ZSWIM6: variants seen among roughly 807,000 people sequenced by gnomAD.
ZSWIM6 encodes the protein zinc finger SWIM domain-containing protein 6.
A neutral mutation model predicts 113.2 loss-of-function variants in ZSWIM6; 9 were observed. That is an observed-to-expected ratio of 0.08 (90% confidence interval 0.05 to 0.14). ZSWIM6 has a LOEUF of 0.14. Among genes scored for constraint, ZSWIM6 ranks in the 10% least tolerant of loss-of-function variants. The pLI is 1.00. For missense variants in ZSWIM6, 1,162 were observed against 1,552.2 expected, an observed-to-expected ratio of 0.75 and a Z score of 4.22; for synonymous variants, 611 against 606.5, an observed-to-expected ratio of 1.01 and a Z score of -0.11.
intron 1 of ZSWIM6, 62 bp downstream of exon 1, chr5:61,333,010 T>TGCC: frequency 2.4e-6 from 1 of 417,002 alleles, no homozygotes; most frequent in Non-Finnish European, 3.2e-6. Flanking sequence ...GGGGGGGGGG[T>TGCC]GCCCGCCTTT....
rs1470894666 is a variant in ZSWIM6, at chr5:61,543,573, G to A, written c.2904G>A (p.Leu968=). The A allele has an allele frequency of 6.4e-7, 1 of 1,551,640 alleles. No homozygotes were observed. Among genetic ancestry groups the A allele is most frequent in the East Asian group, 2.4e-5 (1 of 40,896 alleles). ...ACAGCACCATCGTCCGCCTCCACCTGGACTGCCACCAGCAGGAAAAGCTGG... is the reference window on the plus strand; with the variant it reads ...ACAGCACCATCGTCCGCCTCCACCTAGACTGCCACCAGCAGGAAAAGCTGG... ...MSNSTIVRLH[L]DCHQQEKLAS... Residue 968 remains leucine, a synonymous_variant, in exon 14 of 14, where the codon CTG becomes CTA. Transcript: ENST00000252744. This position sits in a 1 kb window ranked among gnomAD's most constrained non-coding sequence, Gnocchi z 4.3.
At chr5:61,405,582 T>C (rs1249245296) in intron 1 of ZSWIM6, among the ~76,000 whole-genome samples, 1 of 152,210 alleles carries the variant, frequency 6.6e-6, no homozygotes, top group African/African-American at 2.4e-5. Context: ...TGGTATTTTC[T>C]GTTCTTGGGA....
chr5:61,453,873 A>C (rs1747142428), intron 1 of ZSWIM6, among the ~76,000 whole-genome samples: 1 of 151,878 alleles, frequency 6.6e-6, no homozygotes, highest in African/African-American at 2.4e-5. Flanking sequence ...GGGGGGGGGA[A>C]GATACTTTGA....
chr5:61,512,055 A>C (rs1365621825), intron 4 of ZSWIM6, among the ~76,000 whole-genome samples: 2 of 152,124 alleles, frequency 1.3e-5, no homozygotes, highest in Non-Finnish European at 2.9e-5. Flanking sequence ...AGTTTGGACA[A>C]ATGTATATCG....
intron 7 of ZSWIM6, 48 bp downstream of exon 7, chr5:61,526,444 G>T (rs1749286602): frequency 6.5e-7 from 1 of 1,546,572 alleles, no homozygotes. Flanking sequence ...TCTTAGTGAT[G>T]ACATTACTAG....
chr5:61,529,843 C>T (rs1393634247), intron 7 of ZSWIM6, among the ~76,000 whole-genome samples: 1 of 152,208 alleles, frequency 6.6e-6, no homozygotes, highest in Non-Finnish European at 1.5e-5. Flanking sequence ...TATTGACTTA[C>T]AGATGAACCT....
intron 12 of ZSWIM6, 73 bp from the exon 13 acceptor site, chr5:61,541,811 A>C (rs1271729434): frequency 7.8e-7 from 1 of 1,278,878 alleles, no homozygotes; most frequent in African/African-American, 1.5e-5. Context: ...TATGCCTTAT[A>C]GTTTATCCCC....
intron 1 of ZSWIM6, among the ~76,000 whole-genome samples, chr5:61,417,700 A>G (rs943162848): frequency 5.9e-5 from 9 of 152,242 alleles, no homozygotes; most frequent in African/African-American, 2.2e-4. Context: ...TTGTACAGTT[A>G]AGGACTTTTG....
In ZSWIM6 at chr5:61,543,516, C is replaced by T. The variant is rs1449262776; in HGVS notation, c.2847C>T (p.Ala949=). The part of the protein sequence containing the change: ...TWFTLFTPTE[A]TSIVATTVMS... ...TTACACTCTTTACTCCCACCGAGGCCACAAGTATAGTTGCAACTACCGTGA... is the reference window on the plus strand; with the variant it reads ...TTACACTCTTTACTCCCACCGAGGCTACAAGTATAGTTGCAACTACCGTGA... Residue 949 remains alanine, a synonymous_variant, in exon 14 of 14, where the codon GCC becomes GCT. Coordinates refer to ENST00000252744, the MANE Select transcript of ZSWIM6 (RefSeq NM_020928.2). The surrounding 1 kb of genome is among the most constrained non-coding windows in gnomAD (Gnocchi z 4.3). The T allele has an allele frequency of 6.4e-7, 1 of 1,551,588 alleles. No individual in the cohort carries two copies. Among genetic ancestry groups the T allele is most frequent in the Admixed American group, 2.0e-5 (1 of 51,002 alleles).
chr5:61,530,054 C>A lies in ZSWIM6; in HGVS notation c.1840C>A (p.Leu614Ile). Residue 614 changes from leucine (L) to isoleucine (I), a missense_variant and splice_region_variant, in exon 8 of 14, where the codon CTA becomes ATA. Leu to Ile is a conservative substitution (Grantham distance 5). This residue lies in a region of ZSWIM6 where 620 missense variants were observed against 804.6 expected (regional missense o/e 0.77). Transcript: ENST00000252744. ...CTCAATTCCCTTTCCTTACACAGAG[C>A]TACCCCATAAAAACATAACCTCGAT... Reference protein sequence around the residue: ...LEMFRTQKKELPHKNITSITN... With the variant: ...LEMFRTQKKEIPHKNITSITN... The A allele has an allele frequency of 6.4e-7, 1 of 1,550,438 alleles. No homozygotes were observed. Among genetic ancestry groups the A allele is most frequent in the Non-Finnish European group, 8.7e-7 (1 of 1,146,196 alleles).
chr5:61,399,431 CTT>C (rs1401749328), intron 1 of ZSWIM6, among the ~76,000 whole-genome samples: 1 of 152,084 alleles, frequency 6.6e-6, no homozygotes, highest in Non-Finnish European at 1.5e-5. Flanking sequence ...CCATCTCTGT[CTT>C]TTGACTGAAG....
rs116216205 is a variant in ZSWIM6 at position 61,457,918 on chromosome 5, G to A, written c.677-14763G>A. The stretch of plus-strand genomic sequence containing the variant: ...TATTTTAGTTTTATAATGAAATAGG[G>A]CAATAATCAGTCATTGAATCATATA... On this transcript the variant is annotated intron_variant, in intron 1 of 13. Transcript: ENST00000252744. Among the ~76,000 whole-genome samples the A allele has an allele frequency of 4.0e-3, 604 of 152,172 alleles. 5 individuals carry two copies. The highest frequency in any genetic ancestry group is 5.5e-3 in the Non-Finnish European group (376 of 68,010).
chr5:61,530,175 T>G lies in ZSWIM6; in HGVS notation c.1961T>G (p.Leu654Arg), dbSNP rs747840775. Residue 654 changes from leucine (L) to arginine (R), a missense_variant, in exon 8 of 14, where the codon CTC becomes CGC. This residue lies in a region of ZSWIM6 where 620 missense variants were observed against 804.6 expected (regional missense o/e 0.77). Coordinates refer to ENST00000252744, the MANE Select transcript of ZSWIM6 (RefSeq NM_020928.2). ...MEACRIDDEN[L>R]SGFSDFTENM... ...GCCTGCCGCATTGATGATGAGAACC[T>G]CTCTGGGTTCTCAGATTTTACAGGT... 3 of 1,551,206 alleles carry G rather than the reference T, an allele frequency of 1.9e-6. No individual in the cohort carries two copies. The highest frequency in any genetic ancestry group is 1.4e-5 in the African/African-American group (1 of 73,122).
intron 1 of ZSWIM6, among the ~76,000 whole-genome samples, chr5:61,371,790 C>CCTTTAATCTGTGG (rs1343586630): frequency 5.1e-4 from 78 of 152,186 alleles, no homozygotes; most frequent in Non-Finnish European, 9.4e-4. Context: ...AGTTTCCTTT[C>CCTTTAATCTGTGG]AAGGCATCTG....
intron 4 of ZSWIM6, among the ~76,000 whole-genome samples, chr5:61,510,735 A>G (rs1748764486): frequency 1.3e-5 from 2 of 152,140 alleles, no homozygotes; most frequent in Admixed American, 1.3e-4. Context: ...GAAGCCAGGA[A>G]AGTAATTTAA....
chr5:61,398,925 T>G (rs1231803957), intron 1 of ZSWIM6, among the ~76,000 whole-genome samples: 4 of 138,214 alleles, frequency 2.9e-5, no homozygotes, highest in East Asian at 2.1e-4. Flanking sequence ...TTTTTTTTTT[T>G]TTTTTTTTTT....
At chr5:61,511,811 A>T (rs1394269669) in intron 4 of ZSWIM6, among the ~76,000 whole-genome samples, 1 of 152,202 alleles carries the variant, frequency 6.6e-6, no homozygotes, top group Non-Finnish European at 1.5e-5. Flanking sequence ...CCTTTAAAAT[A>T]GAATAGTAAT....
chr5:61,500,410 G>A (rs1748434749), intron 4 of ZSWIM6, among the ~76,000 whole-genome samples: 1 of 152,106 alleles, frequency 6.6e-6, no homozygotes. Flanking sequence ...ACAGACATGA[G>A]CCACCGTACC....
rs1036357628 is a variant in ZSWIM6, at chr5:61,491,498, A to G, written c.1182+564A>G. On this transcript the variant is annotated intron_variant, in intron 3 of 13. Coordinates refer to ENST00000252744, the MANE Select transcript of ZSWIM6 (RefSeq NM_020928.2). ...TAACATATCTCCTAAAACTGTTGTGATAATGGTGTTAAATGATGCTGTCTA... is the reference window on the plus strand; with the variant it reads ...TAACATATCTCCTAAAACTGTTGTGGTAATGGTGTTAAATGATGCTGTCTA... 3.3e-5 allele frequency among the ~76,000 whole-genome samples: 5 copies of G among 152,164 alleles called. No individual in the cohort carries two copies. In the South Asian group the frequency reaches 1.0e-3, roughly 32 times the overall value.
Sources: allele counts gnomAD v4.1 joint callset (sites outside exome capture counted in the v4.1 genomes callset), GRCh38; gene constraint gnomAD v4.1.1; regional missense constraint gnomAD v4.1.1; non-coding constraint Gnocchi (gnomAD v3.1); transcripts MANE v1.5; gene names NCBI Gene and HGNC (gene_info 2026-07-23, HGNC 2026-07-21).